CCDC112: variants seen among roughly 807,000 people sequenced by gnomAD.
CCDC112 encodes coiled-coil domain containing 112.
A neutral mutation model predicts 66.3 loss-of-function variants in CCDC112; 40 were observed. The ratio of observed to expected loss-of-function variants is 0.60; its 90% CI spans 0.47 to 0.79. CCDC112 has a LOEUF of 0.79. Among genes scored for constraint, CCDC112 ranks in the 30% least tolerant of loss-of-function variants. The probability of loss-of-function intolerance (pLI) is 0.00; values close to 1 mark genes in which losing one functional copy is unlikely to be tolerated. For synonymous variants in CCDC112, 214 were observed against 197.2 expected (o/e 1.09, Z -0.71); for missense variants, 659 against 603.8 (o/e 1.09, Z -0.96).
At chr5:115,272,625 T>C (rs1274849648) in intron 6 of CCDC112, among the ~76,000 whole-genome samples, 2 of 152,218 alleles carry the variant, frequency 1.3e-5, no homozygotes, top group Non-Finnish European at 2.9e-5. Context: ...CATATGGGTA[T>C]GTAAAAATTA....
At chr5:115,285,922 G>A (rs1408230211) in intron 1 of CCDC112, among the ~76,000 whole-genome samples, 1 of 152,012 alleles carries the variant, frequency 6.6e-6, no homozygotes, top group Non-Finnish European at 1.5e-5. Flanking sequence ...TCACCCAGAG[G>A]GATTGCTGAG....
chr5:115,295,337 C>T (rs959971897), intron 1 of CCDC112, among the ~76,000 whole-genome samples: 6 of 152,146 alleles, frequency 3.9e-5, no homozygotes, highest in Non-Finnish European at 8.8e-5. Flanking sequence ...TGGTGTCACA[C>T]ATTTTTTTGA....
At position 115,271,593 on chromosome 5, in the gene CCDC112, T is replaced by G; in HGVS notation, c.952A>C (p.Lys318Gln). ...TTTAACTTGAAAATTTCCTCCCTTTTTTGCTGCTTTTTAGTTTTCCAAATC... is the reference window on the plus strand; with the variant it reads ...TTTAACTTGAAAATTTCCTCCCTTTGTTGCTGCTTTTTAGTTTTCCAAATC... ...IQIWKTKKQQ[K>Q]REEIFKLKEK... The change falls in exon 7 of 10, where the codon AAA becomes CAA. Residue 318 changes from lysine to glutamine, a missense_variant. Physicochemically the swap from Lys to Gln is moderately conservative, Grantham distance 53. Coordinates refer to ENST00000379611, the MANE Select transcript of CCDC112 (RefSeq NM_001040440.3). 2 of 1,546,022 alleles carry G rather than the reference T, an allele frequency of 1.3e-6. No individual in the cohort carries two copies. Among genetic ancestry groups the G allele is most frequent in the Non-Finnish European group, 1.7e-6 (2 of 1,154,380 alleles).
Position 115,275,269 on chromosome 5 carries a change from G to A in CCDC112, c.865C>T (p.Gln289Ter). Residue 289 changes from glutamine (Q) to a stop codon, truncating the protein, a stop_gained, in exon 6 of 10, where the codon CAG becomes TAG. Coordinates refer to ENST00000379611, the MANE Select transcript of CCDC112 (RefSeq NM_001040440.3). LOFTEE classifies it high-confidence loss of function. ...LPGKTQDEVQQHEKWYQKFLA... is the reference protein window; with the variant it reads ...LPGKTQDEVQ ...AACTTTTGATACCATTTTTCATGCT[G>A]TTGAACTTCATCTTGTGTTTTTCCA... is the stretch of plus-strand genomic sequence containing the variant. The A allele has an allele frequency of 6.2e-7, 1 of 1,613,218 alleles. No individual in the cohort carries two copies. Among genetic ancestry groups the A allele is most frequent in the Non-Finnish European group, 8.5e-7 (1 of 1,179,736 alleles).
chr5:115,267,225 T>C lies in CCDC112; in HGVS notation c.*651A>G, dbSNP rs1361211000. ...ACAAAGATTTTATAAATCTGTGAAA[T>C]CCAGAAAGGCTGAAGGAAAATTTGG... On this transcript the variant is annotated 3_prime_UTR_variant, in exon 10 of 10. Transcript: ENST00000379611. The C allele has an allele frequency of 1.3e-5, 2 of 152,070 alleles. No individual in the cohort carries two copies. Among genetic ancestry groups the C allele is most frequent in the African/African-American group, 2.4e-5 (1 of 41,378 alleles). 9.4% of individuals were successfully genotyped at this position (152,070 alleles called of 1,614,324 possible).
At position 115,279,234 on chromosome 5, in the gene CCDC112, T is replaced by C. The variant is rs139630099; in HGVS notation, c.361+413A>G. Among the ~76,000 whole-genome samples the C allele has an allele frequency of 2.1e-3, 317 of 152,258 alleles. 1 individual carries two copies. The highest frequency in any genetic ancestry group is 2.9e-3 in the Non-Finnish European group (197 of 68,008). On this transcript the variant is annotated intron_variant, in intron 3 of 9. Transcript: ENST00000379611. ...TTGATCACTTCACACAACTGCTAATTATAGCTTTGAATCTGTTGATGCTTA... is the reference window on the plus strand; with the variant it reads ...TTGATCACTTCACACAACTGCTAATCATAGCTTTGAATCTGTTGATGCTTA...
chr5:115,269,415 T>C (rs969076645), intron 8 of CCDC112, among the ~76,000 whole-genome samples: 13 of 152,154 alleles, frequency 8.5e-5, no homozygotes, highest in African/African-American at 4.8e-5. Flanking sequence ...ATAGCTGCCA[T>C]TGATCTAAAA....
At chr5:115,278,210 C>CAGCT (rs1443980533) in intron 3 of CCDC112, among the ~76,000 whole-genome samples, 3 of 152,086 alleles carry the variant, frequency 2.0e-5, no homozygotes, top group Admixed American at 2.0e-4. Context: ...TTAGTTTGAT[C>CAGCT]AGCTACCAAA....
intron 6 of CCDC112, 56 bp downstream of exon 6, chr5:115,275,160 G>A: frequency 3.0e-6 from 4 of 1,333,118 alleles, no homozygotes; most frequent in Non-Finnish European, 4.1e-6. Context: ...TAAGTGTTTA[G>A]TACAGTGCCT....
chr5:115,281,201 T>G (rs1370302491), intron 2 of CCDC112, among the ~76,000 whole-genome samples: 1 of 152,074 alleles, frequency 6.6e-6, no homozygotes, highest in African/African-American at 2.4e-5. Flanking sequence ...TTTTTGTATT[T>G]TTCATAGAGA....
rs766841483 is a variant in CCDC112, at chr5:115,271,385, T to G, written c.1160A>C (p.His387Pro). ...AAACTGGCGCTGGCGTTCTTTCTGA[T>G]GTTTTTTCTCTTTCTCTTCTTCTTC... The part of the protein sequence containing the change: ...LKEEEEKEKK[H>P]QKERQRQFKL... Residue 387 changes from histidine to proline, a missense_variant, in exon 7 of 10, where the codon CAT becomes CCT. Transcript: ENST00000379611. 8.7e-6 allele frequency: 14 copies of G among 1,610,718 alleles called. No homozygotes were observed. Among genetic ancestry groups the G allele is most frequent in the Non-Finnish European group, 1.2e-5 (14 of 1,179,430 alleles).
chr5:115,294,288 A>G (rs1307568324), intron 1 of CCDC112, among the ~76,000 whole-genome samples: 1 of 152,210 alleles, frequency 6.6e-6, no homozygotes, highest in African/African-American at 2.4e-5. Flanking sequence ...AAATAACTCT[A>G]TCTGGAGATG....
At chr5:115,295,408 G>A (rs1214069986) in intron 1 of CCDC112, among the ~76,000 whole-genome samples, 1 of 151,996 alleles carries the variant, frequency 6.6e-6, no homozygotes, top group Non-Finnish European at 1.5e-5. Context: ...ATTTTTTCCT[G>A]AGATACTTGG....
At chr5:115,282,430 AT>A (rs1749496424) in intron 2 of CCDC112, among the ~76,000 whole-genome samples, 1 of 152,148 alleles carries the variant, frequency 6.6e-6, no homozygotes, top group South Asian at 2.1e-4. Flanking sequence ...TAGCTTAAGT[AT>A]TTTCAAGTAA....
At position 115,288,486 on chromosome 5, in the gene CCDC112, T is replaced by C. The variant is rs185785771; in HGVS notation, c.118-3578A>G. ...CACTAACAATGTTATTAGGAAAATATAGGACTACCATAACCAAAGATGTCA... is the reference window on the plus strand; with the variant it reads ...CACTAACAATGTTATTAGGAAAATACAGGACTACCATAACCAAAGATGTCA... On this transcript the variant is annotated intron_variant, in intron 1 of 9. Transcript: ENST00000379611. Among the ~76,000 whole-genome samples, 484 of 152,308 alleles carry C rather than the reference T, an allele frequency of 3.2e-3. 2 individuals are homozygous for C. The highest frequency in any genetic ancestry group is 3.4e-3 in the Middle Eastern group (1 of 294).
intron 1 of CCDC112, among the ~76,000 whole-genome samples, chr5:115,286,132 A>T (rs993689901): frequency 2.0e-5 from 3 of 152,222 alleles, no homozygotes; most frequent in Non-Finnish European, 4.4e-5. Flanking sequence ...TGTAACCATC[A>T]TGACTACCCA....
chr5:115,286,723 G>C (rs562277013), intron 1 of CCDC112, among the ~76,000 whole-genome samples: 7 of 151,996 alleles, frequency 4.6e-5, no homozygotes. Flanking sequence ...ACCAGCCTGG[G>C]AAACATAGCA....
chr5:115,270,963 T>G (rs1160574925), intron 7 of CCDC112, among the ~76,000 whole-genome samples: 2 of 152,084 alleles, frequency 1.3e-5, no homozygotes, highest in Admixed American at 6.6e-5. Context: ...CTGTACTCCC[T>G]CCTAAGTACT....
intron 9 of CCDC112, among the ~76,000 whole-genome samples, chr5:115,268,579 C>T (rs1439366955): frequency 1.3e-5 from 2 of 150,678 alleles, no homozygotes; most frequent in Non-Finnish European, 3.0e-5. Context: ...CCTACTTTTA[C>T]TTTTATCTAC....
Sources: allele counts gnomAD v4.1 joint callset (sites outside exome capture counted in the v4.1 genomes callset), GRCh38; gene constraint gnomAD v4.1.1; transcripts MANE v1.5; gene names NCBI Gene and HGNC (gene_info 2026-07-23, HGNC 2026-07-21).